The following GNG4 variants were observed in gnomAD, a reference collection of about 807,000 sequenced individuals.
The protein encoded by GNG4 is guanine nucleotide-binding protein G(I)/G(S)/G(O) subunit gamma-4.
GNG4 carries 4 observed loss-of-function variants against 5.8 expected under a neutral mutation model. That is an observed-to-expected ratio of 0.69 (90% CI 0.34 to 1.57). The LOEUF (loss-of-function observed/expected upper bound fraction) is 1.57. Ranked by LOEUF, GNG4 falls within the 40% of genes most tolerant of loss-of-function variation. The pLI is 0.06. For missense variants in GNG4, 96 were observed against 95.1 expected (o/e 1.01, Z -0.04); for synonymous variants, 29 against 32.9 (o/e 0.88, Z 0.41).
chr1:235,587,626 TGGG>T lies in GNG4; in HGVS notation c.-10-3781_-10-3779del, dbSNP rs1558486405. Reference sequence around the variant, plus strand: ...GGGCATGGGGTGGGGTGTGTGAATGTGGGGTGGAGTGTGAGTGTGGGAGGGTGT... The same window carrying T: ...GGGCATGGGGTGGGGTGTGTGAATGTGTGGAGTGTGAGTGTGGGAGGGTGT... On this transcript the variant is annotated intron_variant, in intron 2 of 3. Transcript: ENST00000391854. Among the ~76,000 whole-genome samples the T allele has an allele frequency of 8.0e-3, 49 of 6,114 alleles. 9 individuals are homozygous for T. Among genetic ancestry groups the T allele is most frequent in the African/African-American group, 0.064 (15 of 236 alleles). 4.0% of individuals were successfully genotyped at this position (6,114 alleles called of 152,430 possible).
At chr1:235,621,681 C>T (rs1255933347) in intron 1 of GNG4, among the ~76,000 whole-genome samples, 2 of 131,672 alleles carry the variant, frequency 1.5e-5, no homozygotes, top group African/African-American at 5.2e-5. Context: ...AGTATTTTAC[C>T]CTTTTTTTTT....
At chr1:235,640,384 A>C (rs1657286652) in intron 1 of GNG4, among the ~76,000 whole-genome samples, 1 of 152,180 alleles carries the variant, frequency 6.6e-6, no homozygotes, top group African/African-American at 2.4e-5. Context: ...CAGACCCACT[A>C]TGTCAGAATG....
At chr1:235,626,421 TG>T (rs113532942) in intron 1 of GNG4, among the ~76,000 whole-genome samples, 8,308 of 152,192 alleles carry the variant, frequency 0.055, 746 homozygotes, top group African/African-American at 0.19. Context: ...AGGGAGGGCC[TG>T]GGACTAGAGG....
intron 1 of GNG4, among the ~76,000 whole-genome samples, chr1:235,618,803 GT>G (rs1688650217): frequency 6.6e-6 from 1 of 151,494 alleles, no homozygotes; most frequent in African/African-American, 2.4e-5. Flanking sequence ...TTACAGGCAT[GT>G]GCCACCCCAC....
At chr1:235,605,387 C>T (rs1235400706) in intron 1 of GNG4, among the ~76,000 whole-genome samples, 1 of 152,060 alleles carries the variant, frequency 6.6e-6, no homozygotes, top group Non-Finnish European at 1.5e-5. Context: ...GATGGCTAGG[C>T]TGGTCTCGAA....
intron 3 of GNG4, among the ~76,000 whole-genome samples, chr1:235,577,684 C>T (rs1324263818): frequency 1.3e-5 from 2 of 151,814 alleles, no homozygotes; most frequent in African/African-American, 2.4e-5. Flanking sequence ...CGTGATCCAC[C>T]CGCCCTGGCC....
At chr1:235,603,012 G>A (rs1688287626) in intron 1 of GNG4, among the ~76,000 whole-genome samples, 1 of 152,144 alleles carries the variant, frequency 6.6e-6, no homozygotes. Context: ...ACTTTGGGAG[G>A]TGGGCAAATC....
intron 3 of GNG4, among the ~76,000 whole-genome samples, chr1:235,554,845 CA>C (rs34093722): frequency 0.57 from 48,313 of 84,396 alleles, 10,545 homozygotes; most frequent in East Asian, 0.76. Flanking sequence ...AACTCCATCT[CA>C]AAAAAAAAAA....
intron 1 of GNG4, among the ~76,000 whole-genome samples, chr1:235,598,255 A>T (rs914063472): frequency 1.3e-5 from 2 of 152,186 alleles, no homozygotes; most frequent in African/African-American, 4.8e-5. Context: ...CCACTGCTCT[A>T]TAGGCAACCA....
chr1:235,624,627 T>C (rs1250734734), intron 1 of GNG4, among the ~76,000 whole-genome samples: 1 of 152,144 alleles, frequency 6.6e-6, no homozygotes, highest in Non-Finnish European at 1.5e-5. Flanking sequence ...TTTACATTCC[T>C]GAAGAATTAA....
intron 1 of GNG4, among the ~76,000 whole-genome samples, chr1:235,604,339 C>T (rs984083021): frequency 8.5e-5 from 13 of 152,204 alleles, no homozygotes; most frequent in African/African-American, 2.2e-4. Context: ...TGAGCGATGG[C>T]GTGGCTGGGC....
chr1:235,614,864 C>T (rs763368308), intron 1 of GNG4: 1 of 152,338 alleles, frequency 6.6e-6, no homozygotes, highest in Non-Finnish European at 1.5e-5. Flanking sequence ...GCAGCCTCAT[C>T]CTGCTCAACT....
At chr1:235,634,498 A>G (rs143791420) in intron 1 of GNG4, among the ~76,000 whole-genome samples, 1 of 152,330 alleles carries the variant, frequency 6.6e-6, no homozygotes, top group East Asian at 1.9e-4. Context: ...ATCTGGGTGC[A>G]GGAAGATCGT....
intron 3 of GNG4, among the ~76,000 whole-genome samples, chr1:235,568,695 T>G (rs1378847986): frequency 1.3e-5 from 2 of 152,108 alleles, no homozygotes; most frequent in African/African-American, 4.8e-5. Flanking sequence ...TCCTCCTTTG[T>G]GGGTGAGGCA....
intron 2 of GNG4, among the ~76,000 whole-genome samples, chr1:235,584,499 G>A (rs1006793281): frequency 6.7e-6 from 1 of 148,520 alleles, no homozygotes; most frequent in African/African-American, 2.6e-5. Context: ...TTTGTGTTGA[G>A]AGTTTGTTTT....
At chr1:235,571,853 T>TAA (rs1687351678) in intron 3 of GNG4, among the ~76,000 whole-genome samples, 2 of 152,182 alleles carry the variant, frequency 1.3e-5, no homozygotes, top group South Asian at 4.1e-4. Flanking sequence ...AATTAATTAT[T>TAA]TTGAGACAGG....
intron 1 of GNG4, among the ~76,000 whole-genome samples, chr1:235,625,772 CT>C (rs1558501644): frequency 6.6e-6 from 1 of 152,252 alleles, no homozygotes; most frequent in South Asian, 2.1e-4. Flanking sequence ...TAGCTCATTT[CT>C]TTTTTAGTAC....
chr1:235,597,587 G>GCTCTGT (rs34928888), intron 1 of GNG4, among the ~76,000 whole-genome samples: 1 of 83,614 alleles, frequency 1.2e-5, no homozygotes, highest in African/African-American at 6.5e-5. Flanking sequence ...TAACTTGTTT[G>GCTCTGT]CTGTGTGTGT....
chr1:235,608,326 A>G (rs1412885638), intron 1 of GNG4, among the ~76,000 whole-genome samples: 1 of 152,208 alleles, frequency 6.6e-6, no homozygotes, highest in Non-Finnish European at 1.5e-5. Flanking sequence ...CCAAATTCAC[A>G]TTGAAATGCT....
Sources: gnomAD v4.1 joint callset for allele counts (sites outside exome capture counted in the v4.1 genomes callset) on GRCh38, gnomAD v4.1.1 for gene constraint, MANE v1.5 for transcripts, NCBI Gene and HGNC (gene_info 2026-07-23, HGNC 2026-07-21) for gene names.